The following DAZAP1 variants were observed in gnomAD, a reference collection of about 807,000 sequenced individuals.
The protein encoded by DAZAP1 is DAZ associated protein 1.
A neutral mutation model predicts 60.1 loss-of-function variants in DAZAP1; 6 were observed. That is an observed-to-expected ratio of 0.10 (90% CI 0.05 to 0.20). The LOEUF (loss-of-function observed/expected upper bound fraction) is 0.20, where lower values mean the gene tolerates loss of function less well. Among genes scored for constraint, DAZAP1 ranks in the 10% least tolerant of loss-of-function variants. The probability of loss-of-function intolerance (pLI) is 1.00; values close to 1 mark genes in which losing one functional copy is unlikely to be tolerated. For missense variants in DAZAP1, 366 were observed against 560.4 expected, an observed-to-expected ratio of 0.65 and a Z score of 3.50; for synonymous variants, 235 against 215.9, an observed-to-expected ratio of 1.09 and a Z score of -0.78.
rs770644723 is a variant in DAZAP1 at position 1,418,349 on chromosome 19, G to T, written c.216G>T (p.Pro72=). 2 of 1,613,912 alleles carry T rather than the reference G, an allele frequency of 1.2e-6. No homozygotes were observed. Among genetic ancestry groups the T allele is most frequent in the Non-Finnish European group, 1.7e-6 (2 of 1,179,950 alleles). ...TGGGGACGGTGCTGGCCAGCAGACC[G>T]CACACGCTAGATGGCCGAAACGTAA... is the stretch of plus-strand genomic sequence containing the variant. ...NCVGTVLASR[P]HTLDGRNIDP... The change falls in exon 3 of 12, where the codon CCG becomes CCT. Residue 72 remains proline (P), a synonymous_variant. Coordinates refer to ENST00000233078, the MANE Select transcript of DAZAP1 (RefSeq NM_018959.4). This position sits in a 1 kb window ranked among gnomAD's most constrained non-coding sequence, Gnocchi z 5.7.
In DAZAP1 at chr19:1,432,482, G is replaced by A; in HGVS notation, c.872-32G>A. ...TGGTCTGCCCCCAGCTGCACAACGT[G>A]TCTTGTGCCTTGCCCTCTTGTACCT... On this transcript the variant is annotated intron_variant, in intron 10 of 11. Transcript: ENST00000233078. This position sits in a 1 kb window ranked among gnomAD's most constrained non-coding sequence, Gnocchi z 4.9. 6.2e-7 allele frequency: 1 copy of A among 1,611,476 alleles called. No homozygotes were observed. Among genetic ancestry groups the A allele is most frequent in the Non-Finnish European group, 8.5e-7 (1 of 1,178,348 alleles).
At chr19:1,412,132 C>G (rs1000909365) in intron 1 of DAZAP1, among the ~76,000 whole-genome samples, 3 of 152,190 alleles carry the variant, frequency 2.0e-5, no homozygotes, top group Admixed American at 6.5e-5. Context: ...TCAGGGGCTC[C>G]TTCAGCACAC....
rs1251954307 is a variant in DAZAP1 at position 1,432,427 on chromosome 19, C to T, written c.872-87C>T. 22 of 1,436,532 alleles carry T rather than the reference C, an allele frequency of 1.5e-5. No individual in the cohort carries two copies. Among genetic ancestry groups the T allele is most frequent in the Admixed American group, 3.4e-5 (2 of 59,318 alleles). 89.0% of individuals were successfully genotyped at this position (1,436,532 alleles called of 1,614,324 possible). A position where few individuals can be genotyped will look rare whatever the true frequency, so the allele number is the denominator to read the frequency against. ...TTGGGTGGCAGTCCCGTCTGGGCAGCTCCTGCTGGGCTGGGTGTGGGTCTC... is the reference window on the plus strand; with the variant it reads ...TTGGGTGGCAGTCCCGTCTGGGCAGTTCCTGCTGGGCTGGGTGTGGGTCTC... On this transcript the variant is annotated intron_variant, in intron 10 of 11. Coordinates refer to ENST00000233078, the MANE Select transcript of DAZAP1 (RefSeq NM_018959.4). The surrounding 1 kb of genome is among the most constrained non-coding windows in gnomAD (Gnocchi z 4.9).
In DAZAP1 at chr19:1,422,301, G is replaced by C; in HGVS notation, c.415-47G>C. 2 of 1,586,522 alleles carry C rather than the reference G, an allele frequency of 1.3e-6. No homozygotes were observed. Among genetic ancestry groups the C allele is most frequent in the Non-Finnish European group, 1.7e-6 (2 of 1,155,876 alleles). On this transcript the variant is annotated intron_variant, in intron 5 of 11. Coordinates refer to ENST00000233078, the MANE Select transcript of DAZAP1 (RefSeq NM_018959.4). This position sits in a 1 kb window ranked among gnomAD's most constrained non-coding sequence, Gnocchi z 4.5. ...AGGCTGTGCCCTCGGAAGACCACCT[G>C]TGGTGCTGGCCCTGGTGTCCGTGCT... is the stretch of plus-strand genomic sequence containing the variant.
rs568928790 is a variant in DAZAP1, at chr19:1,415,536, G to A, written c.30-1964G>A. ...CTGCTGCTGGCTCCTGCTGGGTGCC[G>A]GGCCCTGCTGGCAGGGATGTGGGCG... is the stretch of plus-strand genomic sequence containing the variant. On this transcript the variant is annotated intron_variant, in intron 1 of 11. Transcript: ENST00000233078. 1.4e-4 allele frequency among the ~76,000 whole-genome samples: 21 copies of A among 151,936 alleles called. No individual in the cohort carries two copies. In the East Asian group the frequency reaches 3.7e-3, roughly 27 times the overall value.
rs564066893 is a variant in DAZAP1, at chr19:1,426,182, G to A, written c.546+222G>A. ...GGGATCTCTCAGCTTTGCTCCTGGA[G>A]CCCCTCCCTCTGGGTGACCTGGGAC... On this transcript the variant is annotated intron_variant, in intron 7 of 11. Coordinates refer to ENST00000233078, the MANE Select transcript of DAZAP1 (RefSeq NM_018959.4). The surrounding 1 kb of genome is among the most constrained non-coding windows in gnomAD (Gnocchi z 5.4). Among the ~76,000 whole-genome samples the A allele has an allele frequency of 6.6e-6, 1 of 152,314 alleles. No individual in the cohort carries two copies. The highest frequency in any genetic ancestry group is 6.5e-5 in the Admixed American group (1 of 15,302).
chr19:1,418,211 G>A lies in DAZAP1; in HGVS notation c.78G>A (p.Leu26=), dbSNP rs1334769871. ...GLDWSTTQET[L]RSYFSQYGEV... ...TTCCCGATTTCTGAGCAGAGACTCT[G>A]CGCAGCTACTTTTCCCAATATGGAG... The change falls in exon 3 of 12, where the codon CTG becomes CTA. Residue 26 remains leucine (L), a synonymous_variant. Transcript: ENST00000233078. The surrounding 1 kb of genome is among the most constrained non-coding windows in gnomAD (Gnocchi z 5.7). 2 of 1,613,970 alleles carry A rather than the reference G, an allele frequency of 1.2e-6. No individual in the cohort carries two copies. The highest frequency in any genetic ancestry group is 1.7e-6 in the Non-Finnish European group (2 of 1,179,942).
rs2083541297 is a variant in DAZAP1 at position 1,434,429 on chromosome 19, T to A, written c.1049-308T>A. 2.9e-6 allele frequency: 1 copy of A among 342,298 alleles called. No homozygotes were observed. The highest frequency in any genetic ancestry group is 2.2e-5 in the African/African-American group (1 of 45,756). The allele number at this position is 342,298 out of a possible 1,614,324, so 21.2% of individuals were successfully genotyped here. On this transcript the variant is annotated intron_variant, in intron 11 of 11. Transcript: ENST00000233078. This position sits in a 1 kb window ranked among gnomAD's most constrained non-coding sequence, Gnocchi z 8.0. The stretch of plus-strand genomic sequence containing the variant: ...GTGTCTCCAAGCCCCGAGGCTTCTC[T>A]ACCTCCCCTCACCCCCCCAACCACG...
chr19:1,415,353 A>ATGTGTGTGTGTGTGTGTG (rs61360796), intron 1 of DAZAP1, among the ~76,000 whole-genome samples: 5 of 109,408 alleles, frequency 4.6e-5, no homozygotes, highest in South Asian at 3.1e-4. Flanking sequence ...TCAGGGTTTT[A>ATGTGTGTGTGTGTGTGTG]TGTGTGTGTG....
In DAZAP1 at chr19:1,428,800, G is replaced by T. The variant is rs761521363; in HGVS notation, c.547-42G>T. 6.2e-7 allele frequency: 1 copy of T among 1,610,702 alleles called. No homozygotes were observed. Among genetic ancestry groups the T allele is most frequent in the Non-Finnish European group, 8.5e-7 (1 of 1,178,638 alleles). On this transcript the variant is annotated intron_variant, in intron 7 of 11. Transcript: ENST00000233078. The surrounding 1 kb of genome is among the most constrained non-coding windows in gnomAD (Gnocchi z 4.0). ...TGTGTCTAAAGGGAAGGGGGTGCTG[G>T]GACCCGCAGCCTCGCCCTAAACCAG...
rs778814597 is a variant in DAZAP1, at chr19:1,426,864, G to A, written c.546+904G>A. On this transcript the variant is annotated intron_variant, in intron 7 of 11. Coordinates refer to ENST00000233078, the MANE Select transcript of DAZAP1 (RefSeq NM_018959.4). The surrounding 1 kb of genome is among the most constrained non-coding windows in gnomAD (Gnocchi z 5.4). ...CCTCCTTGGTGCGGCAGCTTCTCCC[G>A]TTAACGGAAGAAGACGCTTAGCCCC... 3 of 152,136 alleles carry A rather than the reference G, an allele frequency of 2.0e-5. No individual in the cohort carries two copies. The highest frequency in any genetic ancestry group is 6.6e-5 in the Admixed American group (1 of 15,264). The allele number at this position is 152,136 out of a possible 1,614,324, so 9.4% of individuals were successfully genotyped here. A position where few individuals can be genotyped will look rare whatever the true frequency, so the allele number is the denominator to read the frequency against.
rs889970835 is a variant in DAZAP1 at position 1,411,224 on chromosome 19, C to T, written c.29+3422C>T. ...TCTCTTGGTGCATTTGGAGTTATTC[C>T]GAGGCAGGTCTCCTGGGCTCTGTCA... On this transcript the variant is annotated intron_variant, in intron 1 of 11. Coordinates refer to ENST00000233078, the MANE Select transcript of DAZAP1 (RefSeq NM_018959.4). Among the ~76,000 whole-genome samples, 10 of 152,302 alleles carry T rather than the reference C, an allele frequency of 6.6e-5. No homozygotes were observed. The South Asian group carries it at 8.3e-4, about 13-fold the overall frequency.
intron 1 of DAZAP1, chr19:1,417,031 C>A: frequency 5.2e-6 from 1 of 193,238 alleles, no homozygotes; most frequent in Non-Finnish European, 1.1e-5. Flanking sequence ...GTCTGTGTCC[C>A]CCCACCCCCG....
At position 1,422,507 on chromosome 19, in the gene DAZAP1, G is replaced by A; in HGVS notation, c.463+111G>A. 1.0e-6 allele frequency: 1 copy of A among 981,608 alleles called. No individual in the cohort carries two copies. Among genetic ancestry groups the A allele is most frequent in the Non-Finnish European group, 1.6e-6 (1 of 636,378 alleles). The allele number at this position is 981,608 out of a possible 1,614,324, so 60.8% of individuals were successfully genotyped here. A position where few individuals can be genotyped will look rare whatever the true frequency, so the allele number is the denominator to read the frequency against. ...TGGCGGCTGTAGCAAACAGCCTCAGGAAGGGACGATTTGGAGACAAATGAC... is the reference window on the plus strand; with the variant it reads ...TGGCGGCTGTAGCAAACAGCCTCAGAAAGGGACGATTTGGAGACAAATGAC... On this transcript the variant is annotated intron_variant, in intron 6 of 11. Coordinates refer to ENST00000233078, the MANE Select transcript of DAZAP1 (RefSeq NM_018959.4). The surrounding 1 kb of genome is among the most constrained non-coding windows in gnomAD (Gnocchi z 4.5).
intron 4 of DAZAP1, among the ~76,000 whole-genome samples, chr19:1,420,781 G>A (rs964848946): frequency 1.3e-5 from 2 of 152,212 alleles, no homozygotes; most frequent in Admixed American, 6.5e-5. Context: ...TGCTCATTTC[G>A]TCGTCGCTGC....
chr19:1,407,660 C>CCGCCGCCGT lies in DAZAP1; in HGVS notation c.-112_-111insCCGCCGTCG. On this transcript the variant is annotated 5_prime_UTR_variant, in exon 1 of 12. Coordinates refer to ENST00000233078, the MANE Select transcript of DAZAP1 (RefSeq NM_018959.4). ...GCCGCCGCCGCCGCCGCCGCCGCCG[C>CCGCCGCCGT]CGTTGCGCAGATCCGGGCCGCGGCT... 2.1e-6 allele frequency: 2 copies of CCGCCGCCGT among 959,072 alleles called. No homozygotes were observed. Among genetic ancestry groups the CCGCCGCCGT allele is most frequent in the Non-Finnish European group, 2.5e-6 (2 of 802,984 alleles). 59.4% of individuals were successfully genotyped at this position (959,072 alleles called of 1,614,324 possible).
intron 1 of DAZAP1, among the ~76,000 whole-genome samples, chr19:1,414,735 C>CA (rs200993206): frequency 2.5e-4 from 37 of 148,200 alleles, no homozygotes; most frequent in African/African-American, 8.0e-4. Flanking sequence ...GACAATTTTT[C>CA]AAAAAAAAAT....
At position 1,425,457 on chromosome 19, in the gene DAZAP1, C is replaced by T. The variant is rs1016668380; in HGVS notation, c.464-421C>T. 1.3e-5 allele frequency among the ~76,000 whole-genome samples: 2 copies of T among 152,232 alleles called. No homozygotes were observed. Among genetic ancestry groups the T allele is most frequent in the Non-Finnish European group, 2.9e-5 (2 of 68,038 alleles). ...GGTTCACTGGCAATCTCCCCACAGGCGAGAGCCAGAATATTCAAGCACGGG... is the reference window on the plus strand; with the variant it reads ...GGTTCACTGGCAATCTCCCCACAGGTGAGAGCCAGAATATTCAAGCACGGG... On this transcript the variant is annotated intron_variant, in intron 6 of 11. Transcript: ENST00000233078. The surrounding 1 kb of genome is among the most constrained non-coding windows in gnomAD (Gnocchi z 5.4).
At chr19:1,415,361 G>GTGTGTGTGTC (rs1452786945) in intron 1 of DAZAP1, among the ~76,000 whole-genome samples, 1 of 140,058 alleles carries the variant, frequency 7.1e-6, no homozygotes, top group African/African-American at 2.7e-5. Context: ...TTATGTGTGT[G>GTGTGTGTGTC]TGTGTGTGTG....
Sources: gnomAD v4.1 joint callset for allele counts (sites outside exome capture counted in the v4.1 genomes callset) on GRCh38, gnomAD v4.1.1 for gene constraint, Gnocchi (gnomAD v3.1) non-coding constraint, MANE v1.5 for transcripts, NCBI Gene and HGNC (gene_info 2026-07-23, HGNC 2026-07-21) for gene names.